The following ATP6V0A1 variants were observed in gnomAD, a reference collection of about 807,000 sequenced individuals.
ATP6V0A1 encodes V-type proton ATPase 116 kDa subunit a 1.
Under a neutral mutation model 105.4 loss-of-function variants are expected in ATP6V0A1, and 43 were observed. The observed-to-expected ratio is 0.41, with a 90% CI of 0.32 to 0.53. The LOEUF (loss-of-function observed/expected upper bound fraction) is 0.53. Ranked by LOEUF, ATP6V0A1 falls within the 20% of genes least tolerant of loss-of-function variation. ATP6V0A1 has a pLI of 0.30. For missense variants in ATP6V0A1, 676 were observed against 1,051.1 expected (o/e 0.64, Z 4.93); for synonymous variants, 362 against 372.8 (o/e 0.97, Z 0.33).
At chr17:42,477,548 C>T in intron 5 of ATP6V0A1, 112 bp from the exon 6 acceptor site, 2 of 1,060,434 alleles carry the variant, frequency 1.9e-6, no homozygotes, top group Non-Finnish European at 2.7e-6. Flanking sequence ...TTTTCTTTTT[C>T]ATCCTTATTT....
At chr17:42,506,347 C>T (rs890573716) in intron 17 of ATP6V0A1, among the ~76,000 whole-genome samples, 1 of 152,186 alleles carries the variant, frequency 6.6e-6, no homozygotes, top group Admixed American at 6.5e-5. Flanking sequence ...GCAACTAGTT[C>T]TCTGACCAGC....
At chr17:42,501,027 A>G (rs1431552650) in intron 16 of ATP6V0A1, 104 bp downstream of exon 16, 5 of 1,294,874 alleles carry the variant, frequency 3.9e-6, no homozygotes, top group African/African-American at 1.5e-5. Context: ...CTATGGGACA[A>G]TTCTAGGGCT....
intron 17 of ATP6V0A1, among the ~76,000 whole-genome samples, chr17:42,503,612 G>A (rs1567858943): frequency 6.6e-6 from 1 of 152,162 alleles, no homozygotes; most frequent in Non-Finnish European, 1.5e-5. Flanking sequence ...TCTAAGTTAT[G>A]AATGAATCTA....
chr17:42,512,595 G>C (rs36004024), intron 19 of ATP6V0A1, among the ~76,000 whole-genome samples: 2,292 of 152,290 alleles, frequency 0.015, 57 homozygotes, highest in African/African-American at 0.052. Context: ...GCTAGGTGTC[G>C]ACAGAGGTGA....
chr17:42,476,552 G>T (rs1170839893), intron 5 of ATP6V0A1, among the ~76,000 whole-genome samples: 1 of 152,178 alleles, frequency 6.6e-6, no homozygotes, highest in African/African-American at 2.4e-5. Context: ...TAGAGTTGGG[G>T]AGATGAGGCA....
At chr17:42,501,036 C>T in intron 16 of ATP6V0A1, 113 bp downstream of exon 16, 2 of 1,245,636 alleles carry the variant, frequency 1.6e-6, no homozygotes, top group South Asian at 2.6e-5. Context: ...AATTCTAGGG[C>T]TTTGCCACAA....
intron 5 of ATP6V0A1, among the ~76,000 whole-genome samples, chr17:42,475,241 T>A (rs1031063822): frequency 6.6e-6 from 1 of 152,256 alleles, no homozygotes; most frequent in Admixed American, 6.5e-5. Context: ...TCTTGGTAAT[T>A]GACATAGCTT....
chr17:42,474,605 G>A (rs2088481799), intron 5 of ATP6V0A1, among the ~76,000 whole-genome samples: 1 of 152,184 alleles, frequency 6.6e-6, no homozygotes, highest in Non-Finnish European at 1.5e-5. Context: ...TTCAAATAAT[G>A]CGAAAGATAG....
intron 10 of ATP6V0A1, 46 bp from the exon 11 acceptor site, chr17:42,490,441 A>G (rs1427201409): frequency 6.5e-7 from 1 of 1,547,536 alleles, no homozygotes; most frequent in South Asian, 1.3e-5. Context: ...CACTACCACA[A>G]TTAGGAGGAT....
chr17:42,465,973 A>G (rs2087004908), intron 2 of ATP6V0A1, among the ~76,000 whole-genome samples: 1 of 152,184 alleles, frequency 6.6e-6, no homozygotes, highest in African/African-American at 2.4e-5. Context: ...TCAAAAAGAA[A>G]AAAAGCAATT....
intron 18 of ATP6V0A1, 60 bp from the exon 19 acceptor site, chr17:42,508,512 C>T (rs1415813606): frequency 6.2e-7 from 1 of 1,607,874 alleles, no homozygotes; most frequent in South Asian, 1.1e-5. Context: ...CCTTGTGCTC[C>T]TAACTTGTGA....
At chr17:42,513,678 C>T in intron 19 of ATP6V0A1, 183 bp from the exon 20 acceptor site, 1 of 608,050 alleles carries the variant, frequency 1.6e-6, no homozygotes, top group Non-Finnish European at 2.9e-6. Flanking sequence ...GAAGGCATTG[C>T]CGAAATCACC....
chr17:42,486,317 G>A (rs968864257), intron 9 of ATP6V0A1, among the ~76,000 whole-genome samples: 3 of 151,988 alleles, frequency 2.0e-5, no homozygotes, highest in African/African-American at 4.8e-5. Context: ...AGGCTGAGGC[G>A]GGAGAATCGT....
chr17:42,493,490 CTTTG>C (rs1401812697), intron 11 of ATP6V0A1, among the ~76,000 whole-genome samples: 2 of 152,132 alleles, frequency 1.3e-5, no homozygotes, highest in African/African-American at 4.8e-5. Flanking sequence ...TTCCACTGTT[CTTTG>C]TTTGAAATGT....
chr17:42,505,083 T>G (rs2012070), intron 17 of ATP6V0A1, among the ~76,000 whole-genome samples: 32,972 of 151,644 alleles, frequency 0.22, 4,049 homozygotes, highest in Non-Finnish European at 0.28. Context: ...GTCACCCAGC[T>G]GTAGTGCAGT....
chr17:42,472,470 A>G (rs536353367), intron 5 of ATP6V0A1, among the ~76,000 whole-genome samples: 9 of 152,036 alleles, frequency 5.9e-5, no homozygotes, highest in African/African-American at 2.2e-4. Flanking sequence ...AACGCCTATA[A>G]TCCCAGCACT....
intron 2 of ATP6V0A1, among the ~76,000 whole-genome samples, chr17:42,464,055 C>T (rs985660373): frequency 6.6e-6 from 1 of 152,100 alleles, no homozygotes; most frequent in Non-Finnish European, 1.5e-5. Flanking sequence ...GGAGGAAAAT[C>T]TGTGTGTTAG....
At chr17:42,490,104 G>A (rs1036564881) in intron 10 of ATP6V0A1, among the ~76,000 whole-genome samples, 1 of 152,114 alleles carries the variant, frequency 6.6e-6, no homozygotes, top group African/African-American at 2.4e-5. Flanking sequence ...TGAAGAAGGA[G>A]AGCCAGAGAA....
At chr17:42,486,419 A>G (rs1258670282) in intron 9 of ATP6V0A1, among the ~76,000 whole-genome samples, 1 of 152,142 alleles carries the variant, frequency 6.6e-6, no homozygotes, top group Non-Finnish European at 1.5e-5. Context: ...TCAAAAAAAA[A>G]AAATTAAATA....
Sources: gnomAD v4.1 joint callset for allele counts (sites outside exome capture counted in the v4.1 genomes callset) on GRCh38, gnomAD v4.1.1 for gene constraint, MANE v1.5 for transcripts, NCBI Gene and HGNC (gene_info 2026-07-23, HGNC 2026-07-21) for gene names.